KDM2A: variants seen among roughly 807,000 people sequenced by gnomAD.
KDM2A encodes the protein lysine demethylase 2A, also known as lysine-specific demethylase 2A.
Under a neutral mutation model 137.3 loss-of-function variants are expected in KDM2A, and 3 were observed. The observed-to-expected ratio is 0.02, with a 90% CI of 0.01 to 0.06. The LOEUF (loss-of-function observed/expected upper bound fraction) is 0.06. Among genes scored for constraint, KDM2A ranks in the 10% least tolerant of loss-of-function variants. The probability of loss-of-function intolerance (pLI) is 1.00; values close to 1 mark genes in which losing one functional copy is unlikely to be tolerated. For missense variants in KDM2A, 738 were observed against 1,510.6 expected (o/e 0.49, Z 8.48); for synonymous variants, 512 against 541.5 (o/e 0.95, Z 0.76).
At chr11:67,237,658 G>A (rs1482690718) in intron 12 of KDM2A, among the ~76,000 whole-genome samples, 1 of 151,610 alleles carries the variant, frequency 6.6e-6, no homozygotes, top group African/African-American at 2.4e-5. Flanking sequence ...TTTTTGTAAA[G>A]CAACCTAGGC....
intron 10 of KDM2A, among the ~76,000 whole-genome samples, chr11:67,227,113 T>A (rs1382949306): frequency 6.6e-6 from 1 of 152,200 alleles, no homozygotes; most frequent in African/African-American, 2.4e-5. Flanking sequence ...ATGAAAATGC[T>A]CTTTTGGGAA....
In KDM2A at chr11:67,255,507, C is replaced by T. The variant is rs1590836527; in HGVS notation, c.*452C>T. The T allele has an allele frequency of 4.4e-6, 2 of 457,462 alleles. No individual in the cohort carries two copies. Among genetic ancestry groups the T allele is most frequent in the East Asian group, 6.9e-5 (1 of 14,412 alleles). The allele number at this position is 457,462 out of a possible 1,614,324, so 28.3% of individuals were successfully genotyped here. ...TTCTTGTGGTGTCCAGTGCGCGTCTCTCCTCCATCACACTCTCCCGGCTTG... is the reference window on the plus strand; with the variant it reads ...TTCTTGTGGTGTCCAGTGCGCGTCTTTCCTCCATCACACTCTCCCGGCTTG... On this transcript the variant is annotated 3_prime_UTR_variant, in exon 21 of 21. Transcript: ENST00000529006.
At chr11:67,141,988 A>AAATGAC (rs1856115295) in intron 2 of KDM2A, among the ~76,000 whole-genome samples, 1 of 151,974 alleles carries the variant, frequency 6.6e-6, no homozygotes, top group East Asian at 1.9e-4. Context: ...CATGTTCCGA[A>AAATGAC]AATGACAGAA....
At chr11:67,253,374 T>C in intron 18 of KDM2A, 79 bp from the exon 19 acceptor site, 1 of 1,296,898 alleles carries the variant, frequency 7.7e-7, no homozygotes, top group Non-Finnish European at 1.1e-6. Flanking sequence ...GGAAGTTTGT[T>C]CACTTTGCTC....
chr11:67,246,247 T>C, intron 15 of KDM2A, 131 bp downstream of exon 15: 1 of 943,506 alleles, frequency 1.1e-6, no homozygotes, highest in Non-Finnish European at 1.7e-6. Context: ...CATAATGCAG[T>C]GGTCTAACAT....
chr11:67,244,734 C>T (rs1565422626), intron 13 of KDM2A, among the ~76,000 whole-genome samples: 1 of 151,982 alleles, frequency 6.6e-6, no homozygotes, highest in African/African-American at 2.4e-5. Flanking sequence ...ACCTGTAATC[C>T]CAGCACTATG....
At chr11:67,181,419 T>G in intron 4 of KDM2A, 21 bp downstream of exon 4, 1 of 1,576,852 alleles carries the variant, frequency 6.3e-7, no homozygotes, top group South Asian at 1.1e-5. Context: ...TCAGCCTGGC[T>G]GGATGTAGTT....
chr11:67,245,724 C>A lies in KDM2A; in HGVS notation c.1834-261C>A. The A allele has an allele frequency of 9.9e-6, 6 of 603,564 alleles. No individual in the cohort carries two copies. In the East Asian group the frequency reaches 1.1e-4, roughly 11 times the overall value. 37.4% of individuals were successfully genotyped at this position (603,564 alleles called of 1,614,324 possible). ...AAATCATTGCTTTCTTTCCCCTCTT[C>A]AGGTAGATTAGAAAGGACCGGGGAG... On this transcript the variant is annotated intron_variant, in intron 14 of 20. Coordinates refer to ENST00000529006, the MANE Select transcript of KDM2A (RefSeq NM_012308.3). The surrounding 1 kb of genome is among the most constrained non-coding windows in gnomAD (Gnocchi z 4.1).
intron 1 of KDM2A, among the ~76,000 whole-genome samples, chr11:67,120,254 G>C (rs1026420439): frequency 2.6e-5 from 4 of 152,320 alleles, no homozygotes; most frequent in Middle Eastern, 3.4e-3. Flanking sequence ...GTGCAAGCAC[G>C]GTTTCCCTCC....
intron 5 of KDM2A, among the ~76,000 whole-genome samples, chr11:67,199,166 A>G (rs1857558402): frequency 6.6e-6 from 1 of 152,080 alleles, no homozygotes; most frequent in African/African-American, 2.4e-5. Flanking sequence ...GAAATGTTGT[A>G]TATGTTCTGA....
intron 2 of KDM2A, among the ~76,000 whole-genome samples, chr11:67,125,632 C>A (rs1855703601): frequency 6.6e-6 from 1 of 151,622 alleles, no homozygotes; most frequent in Non-Finnish European, 1.5e-5. Context: ...ATTAGCTGGG[C>A]ACTGGGGGTG....
chr11:67,212,431 C>T (rs1328948991), intron 6 of KDM2A, among the ~76,000 whole-genome samples: 4 of 152,084 alleles, frequency 2.6e-5, no homozygotes, highest in African/African-American at 9.7e-5. Flanking sequence ...CCAGCAATAA[C>T]TGAGAGGTAG....
intron 12 of KDM2A, among the ~76,000 whole-genome samples, chr11:67,234,570 T>C (rs1858811787): frequency 1.3e-5 from 2 of 152,118 alleles, no homozygotes; most frequent in Non-Finnish European, 2.9e-5. Flanking sequence ...AATAGGACAT[T>C]AAAAAGTACT....
chr11:67,126,565 G>A (rs918485557), intron 2 of KDM2A, among the ~76,000 whole-genome samples: 3 of 151,866 alleles, frequency 2.0e-5, no homozygotes, highest in Admixed American at 6.6e-5. Flanking sequence ...AAAATTAGCC[G>A]GATGTGGTGG....
At chr11:67,150,080 G>T (rs1218995449) in intron 2 of KDM2A, among the ~76,000 whole-genome samples, 1 of 152,144 alleles carries the variant, frequency 6.6e-6, no homozygotes, top group African/African-American at 2.4e-5. Context: ...ACAATTCGTT[G>T]TGTAATGACA....
intron 5 of KDM2A, among the ~76,000 whole-genome samples, chr11:67,185,301 A>G (rs1481432292): frequency 2.6e-5 from 4 of 152,198 alleles, no homozygotes; most frequent in African/African-American, 9.6e-5. Flanking sequence ...CAGAATGACA[A>G]AAATTGAAGA....
At chr11:67,191,839 A>G (rs753255686) in intron 5 of KDM2A, among the ~76,000 whole-genome samples, 9 of 152,232 alleles carry the variant, frequency 5.9e-5, no homozygotes, top group Non-Finnish European at 1.0e-4. Flanking sequence ...TAACAGAGCA[A>G]TTAGGCAAAA....
chr11:67,219,129 A>G (rs1432337887), intron 9 of KDM2A, among the ~76,000 whole-genome samples, 159 bp from the exon 10 acceptor site: 1 of 152,238 alleles, frequency 6.6e-6, no homozygotes, highest in Non-Finnish European at 1.5e-5. Flanking sequence ...CTGGTTTTAT[A>G]GAGGAAATTG....
chr11:67,215,484 G>C, intron 7 of KDM2A, 38 bp downstream of exon 7: 1 of 1,379,972 alleles, frequency 7.2e-7, no homozygotes, highest in Non-Finnish European at 1.0e-6. Context: ...CGTGTGCTGT[G>C]GGAGACCAAA....
Sources: allele counts gnomAD v4.1 joint callset (sites outside exome capture counted in the v4.1 genomes callset), GRCh38; gene constraint gnomAD v4.1.1; non-coding constraint Gnocchi (gnomAD v3.1); transcripts MANE v1.5; gene names NCBI Gene and HGNC (gene_info 2026-07-23, HGNC 2026-07-21).